Variants in CRY2 observed in about 807,000 individuals in gnomAD.
The protein encoded by CRY2 is cryptochrome circadian regulator 2.
A neutral mutation model predicts 69.5 loss-of-function variants in CRY2; 31 were observed. That is an observed-to-expected ratio of 0.45 (90% CI 0.34 to 0.60). The LOEUF is 0.60. CRY2 is among the 20% of genes least tolerant of loss of function. The pLI is 0.02. For missense variants in CRY2, 606 were observed against 797.8 expected, an observed-to-expected ratio of 0.76 and a Z score of 2.90; for synonymous variants, 303 against 312.2, an observed-to-expected ratio of 0.97 and a Z score of 0.31.
chr11:45,859,561 C>CAA (rs528228201), intron 3 of CRY2, among the ~76,000 whole-genome samples: 30 of 122,506 alleles, frequency 2.4e-4, no homozygotes, highest in African/African-American at 6.9e-4. Flanking sequence ...GATCCTGTGT[C>CAA]AAAAAAAAAA....
At chr11:45,851,821 G>A (rs1262415291) in intron 1 of CRY2, among the ~76,000 whole-genome samples, 1 of 152,178 alleles carries the variant, frequency 6.6e-6, no homozygotes, top group Admixed American at 6.5e-5. Context: ...ATCTGTGCCA[G>A]CCAGTGGTAT....
chr11:45,847,405 C>T (rs944911613), upstream of CRY2: 2 of 1,592,436 alleles, frequency 1.3e-6, no homozygotes, highest in East Asian at 2.2e-5. Context: ...GGAGTTGCGG[C>T]GTCATAGGTC....
intron 2 of CRY2, among the ~76,000 whole-genome samples, chr11:45,857,521 G>A (rs1015932574): frequency 1.3e-5 from 2 of 152,132 alleles, no homozygotes; most frequent in African/African-American, 2.4e-5. Context: ...TTTTTATTGA[G>A]CTTCTGCTAG....
intron 11 of CRY2, 107 bp from the exon 12 acceptor site, chr11:45,880,807 C>T (rs2086466005): frequency 6.6e-6 from 1 of 152,346 alleles, no homozygotes; most frequent in Non-Finnish European, 1.5e-5. Context: ...CAGCTCTTCT[C>T]AGGTCCCGCT....
intron 1 of CRY2, among the ~76,000 whole-genome samples, chr11:45,849,990 T>A (rs2086183859): frequency 7.3e-6 from 1 of 137,436 alleles, no homozygotes; most frequent in East Asian, 2.0e-4. Context: ...GGGGATTTTT[T>A]GTTTTGTTTT....
rs1175640330 is a variant in CRY2, at chr11:45,851,159, C to T, written c.215+3454C>T. ...AAGATAAACTAAAGGAAGATGTGAGCAGTTCCTAGATTTTAAAATGACCTC... is the reference window on the plus strand; with the variant it reads ...AAGATAAACTAAAGGAAGATGTGAGTAGTTCCTAGATTTTAAAATGACCTC... On this transcript the variant is annotated intron_variant, in intron 1 of 11. Transcript: ENST00000616080. Among the ~76,000 whole-genome samples, 3 of 152,112 alleles carry T rather than the reference C, an allele frequency of 2.0e-5. No individual in the cohort carries two copies. The East Asian group carries it at 5.8e-4, about 29-fold the overall frequency.
At chr11:45,861,766 CT>C in intron 4 of CRY2, 10 of 384,552 alleles carry the variant, frequency 2.6e-5, no homozygotes, top group East Asian at 1.3e-4. Flanking sequence ...AGCTATTAGC[CT>C]TTTTCACCTG....
At chr11:45,863,108 G>A (rs140259670) in intron 5 of CRY2, among the ~76,000 whole-genome samples, 3 of 152,314 alleles carry the variant, frequency 2.0e-5, no homozygotes, top group Admixed American at 6.5e-5. Context: ...CCACAGCCTC[G>A]ATGTTTCTAC....
upstream of CRY2, chr11:45,847,213 A>G: frequency 1.3e-6 from 2 of 1,549,908 alleles, no homozygotes; most frequent in Non-Finnish European, 8.7e-7. Flanking sequence ...GGACAGCCCC[A>G]GCCTGCGGAC....
chr11:45,870,980 C>T (rs1171582736), intron 10 of CRY2, 46 bp downstream of exon 10: 1 of 1,504,402 alleles, frequency 6.6e-7, no homozygotes, highest in Admixed American at 1.8e-5. Flanking sequence ...TGGCCTGTGC[C>T]ACCACTTCAG....
At chr11:45,847,265 G>T (rs747090815), upstream of CRY2, 19 of 1,551,918 alleles carry the variant, frequency 1.2e-5, no homozygotes, top group South Asian at 1.7e-4. Flanking sequence ...AGCTCCACCC[G>T]GGCGGACCCA....
intron 1 of CRY2, among the ~76,000 whole-genome samples, chr11:45,848,564 A>G (rs532678547): frequency 2.0e-5 from 3 of 152,304 alleles, no homozygotes; most frequent in African/African-American, 7.2e-5. Context: ...ATGACCCCCC[A>G]GGAGATGGAG....
intron 2 of CRY2, among the ~76,000 whole-genome samples, chr11:45,857,920 G>A (rs1379391339): frequency 6.6e-6 from 1 of 152,234 alleles, no homozygotes; most frequent in African/African-American, 2.4e-5. Flanking sequence ...AGACCAGCCT[G>A]TGCATGGCTA....
intron 1 of CRY2, among the ~76,000 whole-genome samples, chr11:45,850,533 A>G (rs934247410): frequency 6.6e-6 from 1 of 152,050 alleles, no homozygotes; most frequent in African/African-American, 2.4e-5. Flanking sequence ...CACCTCCACC[A>G]TTCTGCTTGC....
chr11:45,854,545 T>C (rs373530877), intron 1 of CRY2, among the ~76,000 whole-genome samples: 1 of 152,172 alleles, frequency 6.6e-6, no homozygotes, highest in Non-Finnish European at 1.5e-5. Flanking sequence ...AAAAAATTAA[T>C]TGGGTGTGGT....
At chr11:45,859,885 C>G (rs535728335) in intron 3 of CRY2, among the ~76,000 whole-genome samples, 1 of 152,160 alleles carries the variant, frequency 6.6e-6, no homozygotes, top group Non-Finnish European at 1.5e-5. Flanking sequence ...CAGCTGTGCA[C>G]GTGAGCCGGG....
At chr11:45,857,603 C>G (rs2086251781) in intron 2 of CRY2, among the ~76,000 whole-genome samples, 2 of 152,082 alleles carry the variant, frequency 1.3e-5, no homozygotes, top group Non-Finnish European at 1.5e-5. Context: ...TCTGAGAGTT[C>G]ACACTAATAG....
chr11:45,859,595 G>A (rs1237124408), intron 3 of CRY2, among the ~76,000 whole-genome samples: 1 of 151,516 alleles, frequency 6.6e-6, no homozygotes, highest in Non-Finnish European at 1.5e-5. Flanking sequence ...CAGGTTCTAT[G>A]ACTATCTGGG....
chr11:45,867,579 C>CT lies in CRY2; in HGVS notation c.742-30dup, dbSNP rs1565061164. The CT allele has an allele frequency of 1.2e-5, 19 of 1,613,750 alleles. No homozygotes were observed. In the East Asian group the frequency reaches 4.2e-4, roughly 36 times the overall value. ...ATTTTTTCCTCTGTTACATCCAAGC[C>CT]TTTCCTTTTGCCACCTTCTCTTTCT... On this transcript the variant is annotated intron_variant, in intron 5 of 11. Coordinates refer to ENST00000616080, the MANE Select transcript of CRY2 (RefSeq NM_021117.5).
Sources: gnomAD v4.1 joint callset for allele counts (sites outside exome capture counted in the v4.1 genomes callset) on GRCh38, gnomAD v4.1.1 for gene constraint, MANE v1.5 for transcripts, NCBI Gene and HGNC (gene_info 2026-07-23, HGNC 2026-07-21) for gene names.